The following SNCG variants were observed in gnomAD, a reference collection of about 807,000 sequenced individuals.
The protein encoded by SNCG is synuclein gamma, also known as gamma-synuclein.
A neutral mutation model predicts 16.0 loss-of-function variants in SNCG; 13 were observed. The observed-to-expected ratio is 0.81, with a 90% CI of 0.53 to 1.29. The LOEUF (loss-of-function observed/expected upper bound fraction) is 1.29, where lower values mean the gene tolerates loss of function less well. Ranked by LOEUF, SNCG falls within the 50% of genes most tolerant of loss-of-function variation. The probability of loss-of-function intolerance (pLI) is 0.00; values close to 1 mark genes in which losing one functional copy is unlikely to be tolerated. For synonymous variants in SNCG, 66 were observed against 66.3 expected (o/e 1.00, Z 0.02); for missense variants, 154 against 168.5 (o/e 0.91, Z 0.48).
intron 3 of SNCG, among the ~76,000 whole-genome samples, chr10:86,960,596 C>T (rs1250002050): frequency 6.6e-6 from 1 of 152,130 alleles, no homozygotes; most frequent in East Asian, 1.9e-4. Flanking sequence ...GAAGTAGCGT[C>T]CCCTAGTGGT....
Position 86,959,535 on chromosome 10 carries a change from C to T in SNCG, c.122-98C>T. ...CCCAGACACCATCCTTACCCCCCCA[C>T]CGACCCCACAGTTTGTCCAGCTGTT... On this transcript the variant is annotated intron_variant, in intron 1 of 4. Coordinates refer to ENST00000372017, the MANE Select transcript of SNCG (RefSeq NM_003087.3). The surrounding 1 kb of genome is among the most constrained non-coding windows in gnomAD (Gnocchi z 4.3). 1.8e-6 allele frequency: 2 copies of T among 1,092,442 alleles called. No individual in the cohort carries two copies. Among genetic ancestry groups the T allele is most frequent in the Non-Finnish European group, 2.8e-6 (2 of 719,314 alleles). The allele number at this position is 1,092,442 out of a possible 1,614,324, so 67.7% of individuals were successfully genotyped here.
At chr10:86,962,510 CCTT>C (rs1298757148) in intron 3 of SNCG, 91 bp from the exon 4 acceptor site, 7 of 879,018 alleles carry the variant, frequency 8.0e-6, no homozygotes, top group Middle Eastern at 2.2e-4. Context: ...CTCTGCTCCT[CCTT>C]GAGGCCAGGG....
At chr10:86,957,703 G>A (rs1246415870), upstream of SNCG, 2 of 1,313,930 alleles carry the variant, frequency 1.5e-6, no homozygotes, top group Non-Finnish European at 2.0e-6. Flanking sequence ...GTCTTGTCCT[G>A]CCCCCCAACT....
chr10:86,961,278 C>T (rs9420407), intron 3 of SNCG, among the ~76,000 whole-genome samples: 51,704 of 151,980 alleles, frequency 0.34, 9,323 homozygotes, highest in African/African-American at 0.43. Flanking sequence ...CCTTTCTCGT[C>T]GTATGACCTT....
chr10:86,958,497 T>TGCCAACCACA, upstream of SNCG: 1 of 1,098,150 alleles, frequency 9.1e-7, no homozygotes, highest in Non-Finnish European at 1.2e-6. Context: ...TGAACCTCCT[T>TGCCAACCACA]CCCTCCCTCC....
upstream of SNCG, chr10:86,957,504 AG>A: frequency 6.2e-7 from 1 of 1,612,684 alleles, no homozygotes; most frequent in Non-Finnish European, 8.5e-7. Context: ...CCCCCAGCCC[AG>A]GGGGCCCCCA....
chr10:86,957,402 T>C, upstream of SNCG: 3 of 1,613,554 alleles, frequency 1.9e-6, no homozygotes, highest in South Asian at 1.1e-5. Flanking sequence ...CTTGCCGGTG[T>C]CCTCAGCCTC....
chr10:86,958,579 C>T (rs1844277686), upstream of SNCG: 13 of 1,307,486 alleles, frequency 9.9e-6, no homozygotes, highest in East Asian at 2.6e-4. Context: ...ATTTCATCGG[C>T]GTCAATAGGA....
Position 86,963,203 on chromosome 10 carries a change from A to T in SNCG, c.*218A>T. On this transcript the variant is annotated 3_prime_UTR_variant, in exon 5 of 5. Transcript: ENST00000372017. ...CCCTCTGGTCCTTCTGACCCCACTT[A>T]TGCTGCTGTGAATTTTTTTTTTAAA... 1 of 423,550 alleles carries T rather than the reference A, an allele frequency of 2.4e-6. No individual in the cohort carries two copies. The highest frequency in any genetic ancestry group is 4.1e-6 in the Non-Finnish European group (1 of 241,768). 26.2% of individuals were successfully genotyped at this position (423,550 alleles called of 1,614,324 possible). A position where few individuals can be genotyped will look rare whatever the true frequency, so the allele number is the denominator to read the frequency against.
In SNCG at chr10:86,960,025, C is replaced by A. The variant is rs770016120; in HGVS notation, c.188C>A (p.Ala63Asp). 36 of 1,607,300 alleles carry A rather than the reference C, an allele frequency of 2.2e-5. No homozygotes were observed. The highest frequency in any genetic ancestry group is 1.5e-4 in the African/African-American group (11 of 74,874). ...GTGGCCGAGAAGACCAAGGAGCAGG[C>A]CAACGCCGTGAGCGAGGCTGTGGTG... is the stretch of plus-strand genomic sequence containing the variant. ...TSVAEKTKEQ[A>D]NAVSEAVVSS... The change falls in exon 3 of 5, where the codon GCC becomes GAC. Residue 63 changes from alanine (A) to aspartate (D), a missense_variant. Ala to Asp is a moderately radical substitution (Grantham distance 126). Transcript: ENST00000372017.
In SNCG at chr10:86,958,751, G is replaced by A. The variant is rs375296971; in HGVS notation, c.54G>A (p.Ala18=). ...TCGCCAAGGAGGGCGTGGTGGGTGC[G>A]GTGGAAAAGACCAAGCAGGGGGTGA... The part of the protein sequence containing the change: ...FSIAKEGVVG[A]VEKTKQGVTE... The change falls in exon 1 of 5, where the codon GCG becomes GCA. Residue 18 remains alanine, a synonymous_variant. Coordinates refer to ENST00000372017, the MANE Select transcript of SNCG (RefSeq NM_003087.3). The A allele has an allele frequency of 3.2e-5, 51 of 1,613,886 alleles. No individual in the cohort carries two copies. In the Admixed American group the frequency reaches 3.3e-4, roughly 11 times the overall value.
rs778746030 is a variant in SNCG at position 86,960,155 on chromosome 10, A to G, written c.291+27A>G. 6 of 1,596,902 alleles carry G rather than the reference A, an allele frequency of 3.8e-6. No homozygotes were observed. In the South Asian group the frequency reaches 5.6e-5, roughly 15 times the overall value. ...TGAGCCCCGGCCCTCAGACCTGCCC[A>G]GTCCTCTCCTGGGCCCAGAAAGGCT... On this transcript the variant is annotated intron_variant, in intron 3 of 4. Coordinates refer to ENST00000372017, the MANE Select transcript of SNCG (RefSeq NM_003087.3).
At position 86,959,540 on chromosome 10, in the gene SNCG, C is replaced by A; in HGVS notation, c.122-93C>A. On this transcript the variant is annotated intron_variant, in intron 1 of 4. Transcript: ENST00000372017. The surrounding 1 kb of genome is among the most constrained non-coding windows in gnomAD (Gnocchi z 4.3). ...ACACCATCCTTACCCCCCCACCGAC[C>A]CCACAGTTTGTCCAGCTGTTCTGTT... 8.6e-7 allele frequency: 1 copy of A among 1,169,058 alleles called. No homozygotes were observed. Among genetic ancestry groups the A allele is most frequent in the East Asian group, 2.4e-5 (1 of 41,894 alleles). 72.4% of individuals were successfully genotyped at this position (1,169,058 alleles called of 1,614,324 possible).
upstream of SNCG, chr10:86,958,161 C>T: frequency 1.0e-6 from 1 of 984,170 alleles, no homozygotes; most frequent in African/African-American, 1.7e-5. Context: ...GCTGCACAGC[C>T]CAGGCCGCGG....
rs780420445 is a variant in SNCG at position 86,959,872 on chromosome 10, A to T, written c.164-129A>T. ...CCAGCATCAGAGGTGCCCTGGAGTC[A>T]GAGGGAGCAGGGGAGGGTCCCAGCA... On this transcript the variant is annotated intron_variant, in intron 2 of 4. Transcript: ENST00000372017. The surrounding 1 kb of genome is among the most constrained non-coding windows in gnomAD (Gnocchi z 4.3). The T allele has an allele frequency of 5.6e-5, 81 of 1,448,234 alleles. No individual in the cohort carries two copies. The highest frequency in any genetic ancestry group is 7.0e-5 in the Non-Finnish European group (75 of 1,074,246). The allele number at this position is 1,448,234 out of a possible 1,614,324, so 89.7% of individuals were successfully genotyped here.
chr10:86,962,790 T>C, intron 4 of SNCG, 115 bp downstream of exon 4: 2 of 1,134,466 alleles, frequency 1.8e-6, no homozygotes, highest in Non-Finnish European at 2.5e-6. Flanking sequence ...CCTCCTGACC[T>C]TCCACAGCCC....
At chr10:86,962,888 A>G in intron 4 of SNCG, 77 bp from the exon 5 acceptor site, 1 of 1,519,986 alleles carries the variant, frequency 6.6e-7, no homozygotes, top group Non-Finnish European at 8.9e-7. Context: ...ACAGAAGACA[A>G]CTTTTCTCAG....
rs1223038284 is a variant in SNCG, at chr10:86,962,976, G to A, written c.375G>A (p.Gly125=). The change falls in exon 5 of 5, where the codon GGG becomes GGA. Residue 125 remains glycine, a synonymous_variant. Coordinates refer to ENST00000372017, the MANE Select transcript of SNCG (RefSeq NM_003087.3). ...ATTCTCTCTCCCAGGCCCAGAGTGG[G>A]GGAGACTAGAGGGCTACAGGCCAGC... ...KEEVAEEAQS[G]GD The A allele has an allele frequency of 6.2e-7, 1 of 1,603,980 alleles. No homozygotes were observed. The highest frequency in any genetic ancestry group is 1.7e-5 in the Admixed American group (1 of 58,450).
rs2133694466 is a variant in SNCG at position 86,959,449 on chromosome 10, T to C, written c.122-184T>C. The C allele has an allele frequency of 3.1e-6, 2 of 635,334 alleles. No individual in the cohort carries two copies. The highest frequency in any genetic ancestry group is 5.5e-5 in the East Asian group (2 of 36,598). 39.4% of individuals were successfully genotyped at this position (635,334 alleles called of 1,614,324 possible). On this transcript the variant is annotated intron_variant, in intron 1 of 4. Coordinates refer to ENST00000372017, the MANE Select transcript of SNCG (RefSeq NM_003087.3). This position sits in a 1 kb window ranked among gnomAD's most constrained non-coding sequence, Gnocchi z 4.3. Reference sequence around the variant, plus strand: ...TCCCCCACATTCTGTCCTGTCCCCTTCCCATCCATCCACTTCTTCCAGACA... The same window carrying C: ...TCCCCCACATTCTGTCCTGTCCCCTCCCCATCCATCCACTTCTTCCAGACA...
Sources: allele counts gnomAD v4.1 joint callset (sites outside exome capture counted in the v4.1 genomes callset), GRCh38; gene constraint gnomAD v4.1.1; non-coding constraint Gnocchi (gnomAD v3.1); transcripts MANE v1.5; gene names NCBI Gene and HGNC (gene_info 2026-07-23, HGNC 2026-07-21).